Variants in RAD50 observed in about 807,000 individuals in gnomAD.
The protein encoded by RAD50 is RAD50 double strand break repair protein.
RAD50 carries 132 observed loss-of-function variants against 168.8 expected under a neutral mutation model. That is an observed-to-expected ratio of 0.78 (90% CI 0.68 to 0.90). The LOEUF (loss-of-function observed/expected upper bound fraction) is 0.90. Among genes scored for constraint, RAD50 ranks in the 40% least tolerant of loss-of-function variants. The pLI, the probability that RAD50 is intolerant of heterozygous loss-of-function variation, is 0.00. For synonymous variants in RAD50, 525 were observed against 497.4 expected, an observed-to-expected ratio of 1.06 and a Z score of -0.74; for missense variants, 1,347 against 1,534.4, an observed-to-expected ratio of 0.88 and a Z score of 2.04.
intron 16 of RAD50, 77 bp downstream of exon 16, chr5:132,605,076 G>A (rs185831341): frequency 1.8e-4 from 211 of 1,167,156 alleles, no homozygotes; most frequent in Non-Finnish European, 2.3e-4. Context: ...AGACAGTCTC[G>A]TTCTGTCACC....
At chr5:132,596,989 T>C (rs1031344826) in intron 13 of RAD50, among the ~76,000 whole-genome samples, 5 of 152,232 alleles carry the variant, frequency 3.3e-5, no homozygotes, top group African/African-American at 1.2e-4. Flanking sequence ...GAATTATTTA[T>C]AGGGATTGAG....
chr5:132,582,777 T>C (rs1750525266), intron 5 of RAD50, among the ~76,000 whole-genome samples: 1 of 152,196 alleles, frequency 6.6e-6, no homozygotes, highest in African/African-American at 2.4e-5. Context: ...GCACCTAAGC[T>C]TTAAACCCTT....
intron 3 of RAD50, among the ~76,000 whole-genome samples, chr5:132,577,872 T>C (rs1156725911): frequency 7.1e-6 from 1 of 141,804 alleles, no homozygotes; most frequent in Admixed American, 7.5e-5. Context: ...TGGAGTGCAG[T>C]GGTGAAATCT....
Position 132,579,583 on chromosome 5 carries a change from A to C in RAD50, c.551+81A>C. 8 of 1,434,382 alleles carry C rather than the reference A, an allele frequency of 5.6e-6. No individual in the cohort carries two copies. The South Asian group carries it at 9.5e-5, about 17-fold the overall frequency. The allele number at this position is 1,434,382 out of a possible 1,614,324, so 88.9% of individuals were successfully genotyped here. ...AATTTGGATGCTTCTTTTTAACAGAAAAAATTTAAAAAGCAGAAAGGTCAT... is the reference window on the plus strand; with the variant it reads ...AATTTGGATGCTTCTTTTTAACAGACAAAATTTAAAAAGCAGAAAGGTCAT... On this transcript the variant is annotated intron_variant, in intron 4 of 24. Coordinates refer to ENST00000378823, the MANE Select transcript of RAD50 (RefSeq NM_005732.4).
In RAD50 at chr5:132,638,059, A is replaced by T. The variant is rs768027839; in HGVS notation, c.3476-22A>T. The T allele has an allele frequency of 5.6e-6, 9 of 1,612,720 alleles. No homozygotes were observed. In the African/African-American group the frequency reaches 1.2e-4, roughly 22 times the overall value. ...GGCTACAGAGCATAGGTTCCTCTAA[A>T]ATATTCTTCTTCCTGTGTCAGATAT... is the stretch of plus-strand genomic sequence containing the variant. On this transcript the variant is annotated intron_variant, in intron 22 of 24. Coordinates refer to ENST00000378823, the MANE Select transcript of RAD50 (RefSeq NM_005732.4).
At chr5:132,632,202 G>C in intron 21 of RAD50, among the ~76,000 whole-genome samples, 1 of 151,974 alleles carries the variant, frequency 6.6e-6, no homozygotes, top group East Asian at 1.9e-4. Context: ...TCCTACCTTT[G>C]TACTTAATAA....
intron 13 of RAD50, among the ~76,000 whole-genome samples, chr5:132,600,433 GA>G (rs1345881886): frequency 1.3e-5 from 2 of 152,202 alleles, no homozygotes; most frequent in African/African-American, 4.8e-5. Context: ...TATTTGACCT[GA>G]AGGCCAAAGG....
chr5:132,625,032 A>G (rs913888329), intron 21 of RAD50, among the ~76,000 whole-genome samples: 2 of 152,124 alleles, frequency 1.3e-5, no homozygotes, highest in Admixed American at 1.3e-4. Flanking sequence ...TCAGAAGTCC[A>G]TAATACATGG....
chr5:132,636,224 C>G (rs1280256835), intron 21 of RAD50, among the ~76,000 whole-genome samples: 1 of 152,146 alleles, frequency 6.6e-6, no homozygotes, highest in Non-Finnish European at 1.5e-5. Context: ...TCCAAAGAAC[C>G]TAAGGGCTTT....
intron 16 of RAD50, among the ~76,000 whole-genome samples, chr5:132,607,308 G>T (rs1751001994): frequency 6.6e-6 from 1 of 152,098 alleles, no homozygotes; most frequent in African/African-American, 2.4e-5. Context: ...GTCACTCTCA[G>T]TCATAGCACT....
At chr5:132,572,088 A>G (rs1750316884) in intron 2 of RAD50, among the ~76,000 whole-genome samples, 1 of 152,220 alleles carries the variant, frequency 6.6e-6, no homozygotes, top group Admixed American at 6.5e-5. Flanking sequence ...AGAAAAAAAC[A>G]ATCAGTATAA....
Position 132,557,125 on chromosome 5 carries a change from G to A in RAD50, c.-200G>A. 1.3e-6 allele frequency: 1 copy of A among 762,458 alleles called. No individual in the cohort carries two copies. The highest frequency in any genetic ancestry group is 2.7e-5 in the East Asian group (1 of 36,380). 47.2% of individuals were successfully genotyped at this position (762,458 alleles called of 1,614,324 possible). On this transcript the variant is annotated 5_prime_UTR_variant, in exon 1 of 25. Coordinates refer to ENST00000378823, the MANE Select transcript of RAD50 (RefSeq NM_005732.4). ...CCGGCGGGGAAAGCAGCTGGTGTGG[G>A]AGGAAAGGCTCCATCCCCCGCCCCC...
At chr5:132,579,177 T>C in intron 3 of RAD50, 140 bp from the exon 4 acceptor site, 1 of 808,452 alleles carries the variant, frequency 1.2e-6, no homozygotes. Context: ...CTTTTTAGCA[T>C]GATGAAGCCA....
chr5:132,595,794 G>A lies in RAD50; in HGVS notation c.2191G>A (p.Gly731Arg), dbSNP rs61758783. 2.5e-6 allele frequency: 4 copies of A among 1,608,108 alleles called. No homozygotes were observed. Among genetic ancestry groups the A allele is most frequent in the Non-Finnish European group, 3.4e-6 (4 of 1,176,788 alleles). ...GGAAAAGCGGCGTGATGAAATGCTGGGACTTGTGCCCATGAGGTAAGAATG... is the reference window on the plus strand; with the variant it reads ...GGAAAAGCGGCGTGATGAAATGCTGAGACTTGTGCCCATGAGGTAAGAATG... ...KKEKRRDEMLGLVPMRQSIID... is the reference protein window; with the variant it reads ...KKEKRRDEMLRLVPMRQSIID... The change falls in exon 13 of 25, where the codon GGA (glycine) becomes AGA (arginine). Residue 731 changes from glycine to arginine, a missense_variant. This residue lies in a region of RAD50 where 635 missense variants were observed against 739.2 expected (regional missense o/e 0.86). Coordinates refer to ENST00000378823, the MANE Select transcript of RAD50 (RefSeq NM_005732.4).
intron 21 of RAD50, among the ~76,000 whole-genome samples, chr5:132,626,745 T>C (rs1751378357): frequency 9.6e-6 from 1 of 104,088 alleles, no homozygotes; most frequent in South Asian, 3.5e-4. Flanking sequence ...TATCTAACTC[T>C]GTTTTAAAGG....
intron 21 of RAD50, among the ~76,000 whole-genome samples, chr5:132,628,406 T>C (rs960388152): frequency 2.0e-5 from 3 of 152,194 alleles, no homozygotes; most frequent in Admixed American, 1.3e-4. Context: ...AAGAATCTAA[T>C]GCTATTTGGA....
At chr5:132,596,623 A>C (rs1750796460) in intron 13 of RAD50, among the ~76,000 whole-genome samples, 1 of 152,248 alleles carries the variant, frequency 6.6e-6, no homozygotes. Context: ...GAAATATGTG[A>C]TGATTGCCTT....
At chr5:132,558,718 CAAAAAA>C (rs35515008) in intron 1 of RAD50, among the ~76,000 whole-genome samples, 5 of 75,788 alleles carry the variant, frequency 6.6e-5, no homozygotes, top group South Asian at 5.4e-4. Flanking sequence ...TCTCCCCCCA[CAAAAAA>C]AAAAAAAAAA....
Position 132,617,808 on chromosome 5 carries a change from A to AT in RAD50, c.3165-261dup, listed in dbSNP as rs1231685612. ...TTAGCGTCTAAAGGCCAGGAACTTT[A>AT]TCAGTGATCACATGCTATGAGGGTT... On this transcript the variant is annotated intron_variant, in intron 20 of 24. Coordinates refer to ENST00000378823, the MANE Select transcript of RAD50 (RefSeq NM_005732.4). Among the ~76,000 whole-genome samples the AT allele has an allele frequency of 7.2e-5, 11 of 152,320 alleles. No homozygotes were observed. The East Asian group carries it at 1.9e-3, about 27-fold the overall frequency.
Sources: allele counts gnomAD v4.1 joint callset (sites outside exome capture counted in the v4.1 genomes callset), GRCh38; gene constraint gnomAD v4.1.1; regional missense constraint gnomAD v4.1.1; transcripts MANE v1.5; gene names NCBI Gene and HGNC (gene_info 2026-07-23, HGNC 2026-07-21).